The following SLC25A21 variants were observed in gnomAD, a reference collection of about 807,000 sequenced individuals.
SLC25A21 encodes the protein mitochondrial 2-oxodicarboxylate carrier.
SLC25A21 carries 47 observed loss-of-function variants against 43.8 expected under a neutral mutation model. The observed-to-expected ratio is 1.07, with a 90% CI of 0.85 to 1.37. The LOEUF (loss-of-function observed/expected upper bound fraction) is 1.37, where lower values mean the gene tolerates loss of function less well. Among genes scored for constraint, SLC25A21 ranks in the 40% most tolerant of loss-of-function variants. The pLI is 0.00. For synonymous variants in SLC25A21, 131 were observed against 121.3 expected, an observed-to-expected ratio of 1.08 and a Z score of -0.52; for missense variants, 352 against 350.2, an observed-to-expected ratio of 1.00 and a Z score of -0.04.
intron 1 of SLC25A21, among the ~76,000 whole-genome samples, chr14:37,009,720 A>G (rs1485705512): frequency 6.6e-6 from 1 of 152,198 alleles, no homozygotes; most frequent in African/African-American, 2.4e-5. Flanking sequence ...AAGCCTAGCC[A>G]TAGAATGCCC....
chr14:36,936,435 T>C (rs1274976308), intron 1 of SLC25A21, among the ~76,000 whole-genome samples: 1 of 152,140 alleles, frequency 6.6e-6, no homozygotes, highest in African/African-American at 2.4e-5. Context: ...GATAAGCTCC[T>C]GAAATGATTA....
intron 1 of SLC25A21, among the ~76,000 whole-genome samples, chr14:37,133,287 GACACATAAATCATAGATAACTAT>G (rs1414009565): frequency 6.6e-6 from 1 of 151,858 alleles, no homozygotes; most frequent in Non-Finnish European, 1.5e-5. Context: ...TCCAACCTCA[GACACATAAATCATAGATAACTAT>G]TCCCCAGTCC....
chr14:37,124,549 A>G (rs1182619419), intron 1 of SLC25A21, among the ~76,000 whole-genome samples: 1 of 152,212 alleles, frequency 6.6e-6, no homozygotes, highest in Non-Finnish European at 1.5e-5. Context: ...TGGCTGTGCT[A>G]TAATGATTCC....
chr14:36,924,275 C>T (rs1379548746), intron 1 of SLC25A21, among the ~76,000 whole-genome samples: 1 of 152,106 alleles, frequency 6.6e-6, no homozygotes, highest in Non-Finnish European at 1.5e-5. Flanking sequence ...TGGAACCAAC[C>T]CAAATGCCCA....
intron 2 of SLC25A21, among the ~76,000 whole-genome samples, chr14:36,821,849 C>A (rs998849583): frequency 6.6e-5 from 10 of 152,108 alleles, no homozygotes; most frequent in African/African-American, 2.4e-4. Context: ...AAACACCAAA[C>A]CAAAACAAAA....
At chr14:36,997,444 C>G (rs1278220905) in intron 1 of SLC25A21, among the ~76,000 whole-genome samples, 1 of 152,098 alleles carries the variant, frequency 6.6e-6, no homozygotes, top group Non-Finnish European at 1.5e-5. Flanking sequence ...AATAAAATAA[C>G]TGTTAGTTAA....
At chr14:36,884,736 G>A (rs1447043531) in intron 1 of SLC25A21, among the ~76,000 whole-genome samples, 1 of 152,240 alleles carries the variant, frequency 6.6e-6, no homozygotes, top group East Asian at 1.9e-4. Context: ...TACTGATGAT[G>A]AGCATTTTTC....
At chr14:37,070,078 T>C (rs1879304431) in intron 1 of SLC25A21, among the ~76,000 whole-genome samples, 1 of 152,220 alleles carries the variant, frequency 6.6e-6, no homozygotes, top group African/African-American at 2.4e-5. Flanking sequence ...TGTCTCCTTT[T>C]GGAACCTGGG....
chr14:36,983,643 C>T (rs1263629927), intron 1 of SLC25A21, among the ~76,000 whole-genome samples: 2 of 152,122 alleles, frequency 1.3e-5, no homozygotes, highest in Admixed American at 6.6e-5. Context: ...TGGGTATCTA[C>T]CCAAAGGAAA....
intron 2 of SLC25A21, among the ~76,000 whole-genome samples, chr14:36,848,043 C>G (rs1594637640): frequency 6.6e-6 from 1 of 152,088 alleles, no homozygotes; most frequent in East Asian, 1.9e-4. Context: ...GGCGTGGTGA[C>G]CAACAGATGT....
intron 1 of SLC25A21, among the ~76,000 whole-genome samples, chr14:36,939,124 A>G (rs1221219562): frequency 6.6e-6 from 1 of 152,168 alleles, no homozygotes; most frequent in African/African-American, 2.4e-5. Flanking sequence ...GCTTTACTTA[A>G]AAGGCAGGTT....
At chr14:36,844,955 T>C (rs1889497112) in intron 2 of SLC25A21, among the ~76,000 whole-genome samples, 1 of 152,216 alleles carries the variant, frequency 6.6e-6, no homozygotes, top group Non-Finnish European at 1.5e-5. Flanking sequence ...TAATATTCCA[T>C]ATGCCAAAAT....
At chr14:36,773,397 A>C (rs1252336999) in intron 3 of SLC25A21, among the ~76,000 whole-genome samples, 2 of 152,210 alleles carry the variant, frequency 1.3e-5, no homozygotes, top group East Asian at 3.9e-4. Flanking sequence ...CACAACTAGA[A>C]TATGTGATGG....
At chr14:37,029,931 A>AT (rs903750857) in intron 1 of SLC25A21, among the ~76,000 whole-genome samples, 1 of 151,570 alleles carries the variant, frequency 6.6e-6, no homozygotes, top group African/African-American at 2.4e-5. Context: ...TATCTGGCTA[A>AT]TTTTTTTATT....
intron 3 of SLC25A21, among the ~76,000 whole-genome samples, chr14:36,767,350 C>T (rs377352765): frequency 3.9e-5 from 6 of 152,142 alleles, no homozygotes; most frequent in East Asian, 3.8e-4. Flanking sequence ...AAAGTGAATC[C>T]CGACTCTTTA....
intron 1 of SLC25A21, among the ~76,000 whole-genome samples, chr14:36,931,627 T>C (rs1370260504): frequency 1.3e-5 from 2 of 152,078 alleles, no homozygotes; most frequent in African/African-American, 4.8e-5. Context: ...GGGAACATTA[T>C]TGGGGTTACG....
At chr14:37,166,494 C>T (rs970842011) in intron 1 of SLC25A21, among the ~76,000 whole-genome samples, 9 of 152,330 alleles carry the variant, frequency 5.9e-5, no homozygotes, top group East Asian at 1.9e-4. Flanking sequence ...TATTCCCCTG[C>T]GCATCAGTTT....
Position 36,734,591 on chromosome 14 carries a change from G to C in SLC25A21, c.204-18C>G. On this transcript the variant is annotated intron_variant, in intron 3 of 9. Coordinates refer to ENST00000331299, the MANE Select transcript of SLC25A21 (RefSeq NM_030631.4). ...CAAATAACCTGTTGGAGAAATAAAA[G>C]ATTTCCTATGAGTAAGGAAATTAGG... 2 of 1,578,912 alleles carry C rather than the reference G, an allele frequency of 1.3e-6. No homozygotes were observed. The highest frequency in any genetic ancestry group is 1.7e-6 in the Non-Finnish European group (2 of 1,158,156).
chr14:36,968,265 T>G (rs938786575), intron 1 of SLC25A21, among the ~76,000 whole-genome samples: 1 of 152,198 alleles, frequency 6.6e-6, no homozygotes, highest in African/African-American at 2.4e-5. Flanking sequence ...TTTTCCCTCA[T>G]AGCCTCTTCC....
Sources: gnomAD v4.1 joint callset for allele counts (sites outside exome capture counted in the v4.1 genomes callset) on GRCh38, gnomAD v4.1.1 for gene constraint, MANE v1.5 for transcripts, NCBI Gene and HGNC (gene_info 2026-07-23, HGNC 2026-07-21) for gene names.